The following ZNF90 variants were observed in gnomAD, a reference collection of about 807,000 sequenced individuals.
The protein encoded by ZNF90 is zinc finger protein HTF9.
ZNF90 carries 11 observed loss-of-function variants against 12.0 expected under a neutral mutation model. The observed-to-expected ratio is 0.92, with a 90% confidence interval of 0.58 to 1.52. The LOEUF is 1.52. Among genes scored for constraint, ZNF90 ranks in the 40% most tolerant of loss-of-function variants. The pLI is 0.00. For synonymous variants in ZNF90, 232 were observed against 240.1 expected (o/e 0.97, Z 0.31); for missense variants, 765 against 711.5 (o/e 1.08, Z -0.86).
At chr19:20,102,914 C>T (rs927506940) in intron 1 of ZNF90, among the ~76,000 whole-genome samples, 1 of 152,222 alleles carries the variant, frequency 6.6e-6, no homozygotes, top group Admixed American at 6.5e-5. Flanking sequence ...CTAAAAATTA[C>T]AGAACATAGG....
chr19:20,112,406 C>T, intron 3 of ZNF90, among the ~76,000 whole-genome samples: 1 of 152,012 alleles, frequency 6.6e-6, no homozygotes, highest in East Asian at 1.9e-4. Context: ...ACTGCAGCCT[C>T]TGCCTCCTGG....
chr19:20,091,024 A>C (rs2088897898), intron 1 of ZNF90, among the ~76,000 whole-genome samples: 1 of 152,182 alleles, frequency 6.6e-6, no homozygotes, highest in African/African-American at 2.4e-5. Flanking sequence ...GTCCGTTATC[A>C]GACTGTATAG....
chr19:20,086,828 T>C (rs1430693672), intron 1 of ZNF90, among the ~76,000 whole-genome samples: 1 of 152,218 alleles, frequency 6.6e-6, no homozygotes, highest in Non-Finnish European at 1.5e-5. Context: ...CTTTATTCAA[T>C]AGGGATTATT....
chr19:20,116,912 A>G (rs1396499432), intron 3 of ZNF90, among the ~76,000 whole-genome samples: 21 of 151,826 alleles, frequency 1.4e-4, no homozygotes, highest in African/African-American at 4.6e-4. Flanking sequence ...GTCATGGGAG[A>G]CATTAACCAG....
At chr19:20,102,881 A>G (rs1365767694) in intron 1 of ZNF90, among the ~76,000 whole-genome samples, 1 of 152,234 alleles carries the variant, frequency 6.6e-6, no homozygotes, top group East Asian at 1.9e-4. Context: ...AGGGTGCTAA[A>G]TGACGCCTAC....
At chr19:20,097,176 T>C (rs1568285921) in intron 1 of ZNF90, among the ~76,000 whole-genome samples, 1 of 152,184 alleles carries the variant, frequency 6.6e-6, no homozygotes, top group Non-Finnish European at 1.5e-5. Flanking sequence ...ACAGTTTTCT[T>C]TCTGTACTAT....
At chr19:20,102,205 A>G (rs2088995096) in intron 1 of ZNF90, among the ~76,000 whole-genome samples, 1 of 152,166 alleles carries the variant, frequency 6.6e-6, no homozygotes, top group Non-Finnish European at 1.5e-5. Context: ...TTTAAAGTTC[A>G]ACTTCCTCGA....
chr19:20,109,439 T>C (rs1334635894), intron 3 of ZNF90, among the ~76,000 whole-genome samples: 1 of 152,202 alleles, frequency 6.6e-6, no homozygotes, highest in Non-Finnish European at 1.5e-5. Context: ...TATTTTTCCT[T>C]TTGTGAGAGA....
chr19:20,094,652 C>T (rs112612929), intron 1 of ZNF90, among the ~76,000 whole-genome samples: 10,616 of 152,132 alleles, frequency 0.07, 1,049 homozygotes, highest in African/African-American at 0.22. Context: ...GTGAAGCCGG[C>T]GGTTATCAGC....
Position 20,118,551 on chromosome 19 carries a change from A to C in ZNF90, c.997A>C (p.Arg333=). The C allele has an allele frequency of 6.2e-7, 1 of 1,613,726 alleles. No homozygotes were observed. The highest frequency in any genetic ancestry group is 1.1e-5 in the South Asian group (1 of 91,010). ...CTCCTCAATCCTTAGTACACATAAG[A>C]GAATCCATACTGGAGAGAAACCCTA... ...KLSSILSTHK[R]IHTGEKPYKC... Residue 333 remains arginine (R), a synonymous_variant, in exon 4 of 4, where the codon AGA becomes CGA. Transcript: ENST00000418063.
intron 3 of ZNF90, among the ~76,000 whole-genome samples, chr19:20,109,870 G>C (rs2089072005): frequency 6.6e-6 from 1 of 151,984 alleles, no homozygotes; most frequent in South Asian, 2.1e-4. Flanking sequence ...TTTCAGGCAT[G>C]TTGTTATGCA....
intron 1 of ZNF90, chr19:20,080,140 G>C (rs2088808946): frequency 2.4e-6 from 1 of 408,234 alleles, no homozygotes; most frequent in Non-Finnish European, 4.8e-6. Context: ...TCTCCATGTT[G>C]AGGCTGCAAG....
rs373531971 is a variant in ZNF90, at chr19:20,108,607, C to T, written c.226+3291C>T. On this transcript the variant is annotated intron_variant, in intron 3 of 3. Transcript: ENST00000418063. The stretch of plus-strand genomic sequence containing the variant: ...TGCTGAGATTACAGGCATGAGCCAC[C>T]GTGCCTGGCCTGACTACTTTTTTTA... Among the ~76,000 whole-genome samples, 9 of 152,016 alleles carry T rather than the reference C, an allele frequency of 5.9e-5. No individual in the cohort carries two copies. In the East Asian group the frequency reaches 1.5e-3, roughly 26 times the overall value.
rs2089157525 is a variant in ZNF90, at chr19:20,118,142, TG to T, written c.590del (p.Gly197GlufsTer3). Reference sequence around the variant, plus strand: ...TTGCTACACATAAGAAAATTCATACTGGAGAGATAACCTGCAAATGTGAAGA... The same window carrying T: ...TTGCTACACATAAGAAAATTCATACTGAGAGATAACCTGCAAATGTGAAGA... ...TLATHKKIHT[G>X]EITCKCEECG... is the part of the protein sequence containing the mutation. On this transcript the variant is annotated frameshift_variant, in exon 4 of 4. Transcript: ENST00000418063. LOFTEE classifies it low-confidence loss of function (END_TRUNC). The T allele has an allele frequency of 6.2e-7, 1 of 1,610,750 alleles. No individual in the cohort carries two copies.
At chr19:20,103,666 G>A (rs548098772) in intron 1 of ZNF90, among the ~76,000 whole-genome samples, 1 of 152,148 alleles carries the variant, frequency 6.6e-6, no homozygotes, top group African/African-American at 2.4e-5. Flanking sequence ...GGAAAATGAA[G>A]GCTCTTTGTT....
At chr19:20,110,990 T>C (rs797032034) in intron 3 of ZNF90, among the ~76,000 whole-genome samples, 5 of 152,340 alleles carry the variant, frequency 3.3e-5, no homozygotes, top group African/African-American at 1.2e-4. Context: ...TCTTGAATTG[T>C]TTTTTAATAT....
chr19:20,086,269 C>G (rs1344631212), intron 1 of ZNF90, among the ~76,000 whole-genome samples: 12 of 131,662 alleles, frequency 9.1e-5, no homozygotes, highest in African/African-American at 2.5e-4. Context: ...CAGAGTCTCA[C>G]TCTTGCCCAG....
chr19:20,096,941 C>T (rs1187789061), intron 1 of ZNF90, among the ~76,000 whole-genome samples: 3 of 152,190 alleles, frequency 2.0e-5, no homozygotes, highest in African/African-American at 7.2e-5. Context: ...GCAGCTAAAC[C>T]ACCTCCTGTT....
At chr19:20,086,314 A>C (rs2088859623) in intron 1 of ZNF90, among the ~76,000 whole-genome samples, 1 of 146,066 alleles carries the variant, frequency 6.8e-6, no homozygotes, top group Non-Finnish European at 1.5e-5. Flanking sequence ...AGCTCACTGC[A>C]ACCGCTGCCT....
Sources: allele counts gnomAD v4.1 joint callset (sites outside exome capture counted in the v4.1 genomes callset), GRCh38; gene constraint gnomAD v4.1.1; transcripts MANE v1.5; gene names NCBI Gene and HGNC (gene_info 2026-07-23, HGNC 2026-07-21).